Variants in NBEA observed in about 807,000 individuals in gnomAD.
NBEA encodes the protein lysosomal-trafficking regulator 2.
NBEA carries 44 observed loss-of-function variants against 343.4 expected under a neutral mutation model. That is an observed-to-expected ratio of 0.13 (90% CI 0.10 to 0.16). The LOEUF (loss-of-function observed/expected upper bound fraction) is 0.16, where lower values mean the gene tolerates loss of function less well. Ranked by LOEUF, NBEA falls within the 10% of genes least tolerant of loss-of-function variation. NBEA has a pLI of 1.00. For missense variants in NBEA, 2,555 were observed against 3,631.3 expected, an observed-to-expected ratio of 0.70 and a Z score of 7.62; for synonymous variants, 1,175 against 1,238.7, an observed-to-expected ratio of 0.95 and a Z score of 1.08.
intron 47 of NBEA, among the ~76,000 whole-genome samples, chr13:35,599,952 T>C (rs960190033): frequency 6.6e-6 from 1 of 152,204 alleles, no homozygotes; most frequent in Admixed American, 6.5e-5. Context: ...TGTTAGTCCA[T>C]ATATATGTCA....
intron 34 of NBEA, among the ~76,000 whole-genome samples, chr13:35,263,131 C>T (rs1037739014): frequency 3.3e-5 from 5 of 152,114 alleles, no homozygotes; most frequent in African/African-American, 7.2e-5. Flanking sequence ...GACATATAAA[C>T]CAATGGAATA....
chr13:35,415,648 A>G (rs534191086), intron 38 of NBEA, among the ~76,000 whole-genome samples: 18 of 152,128 alleles, frequency 1.2e-4, no homozygotes, highest in African/African-American at 3.9e-4. Context: ...CTTGTAGTAT[A>G]GTTTGAAGTC....
At chr13:35,340,500 A>C (rs2039528131) in intron 36 of NBEA, among the ~76,000 whole-genome samples, 1 of 152,098 alleles carries the variant, frequency 6.6e-6, no homozygotes, top group Admixed American at 6.6e-5. Context: ...AAATAGGTAA[A>C]GAATTTAGAT....
chr13:35,164,258 C>A, intron 23 of NBEA, 98 bp from the exon 24 acceptor site: 1 of 993,568 alleles, frequency 1.0e-6, no homozygotes, highest in Non-Finnish European at 1.4e-6. Context: ...ATATAGCTAG[C>A]TCCTACAGTT....
intron 1 of NBEA, among the ~76,000 whole-genome samples, chr13:34,977,091 C>A (rs1805653151): frequency 6.6e-6 from 1 of 151,746 alleles, no homozygotes. Context: ...CAGGCGTGCA[C>A]CATCACGGCC....
At chr13:35,444,343 A>G (rs2045887447) in intron 39 of NBEA, among the ~76,000 whole-genome samples, 1 of 152,036 alleles carries the variant, frequency 6.6e-6, no homozygotes, top group African/African-American at 2.4e-5. Flanking sequence ...TGGTCTGAAA[A>G]GGTATTTGTT....
intron 17 of NBEA, among the ~76,000 whole-genome samples, chr13:35,137,172 C>T (rs749016565): frequency 2.6e-5 from 4 of 151,954 alleles, no homozygotes; most frequent in Non-Finnish European, 4.4e-5. Flanking sequence ...GCCCTTTGGC[C>T]GGGCACGGTG....
chr13:35,524,509 G>A (rs117875171), intron 41 of NBEA, among the ~76,000 whole-genome samples: 2,039 of 152,098 alleles, frequency 0.013, 17 homozygotes, highest in Non-Finnish European at 0.02. Flanking sequence ...TATTTATTGC[G>A]GTTCAAATAA....
chr13:34,994,128 G>T (rs1392213572), intron 1 of NBEA, among the ~76,000 whole-genome samples: 1 of 146,812 alleles, frequency 6.8e-6, no homozygotes, highest in Admixed American at 7.0e-5. Context: ...AACCTGGGTG[G>T]CAGAGGTTGC....
At chr13:34,953,228 C>G (rs548936034) in intron 1 of NBEA, among the ~76,000 whole-genome samples, 108 of 152,224 alleles carry the variant, frequency 7.1e-4, no homozygotes, top group Admixed American at 2.2e-3. Flanking sequence ...GTGTTTTCAA[C>G]TCTGAATATA....
At chr13:35,044,166 TTAA>T (rs1190346562) in intron 2 of NBEA, among the ~76,000 whole-genome samples, 3 of 152,276 alleles carry the variant, frequency 2.0e-5, no homozygotes, top group South Asian at 4.1e-4. Context: ...GATACCACTA[TTAA>T]TGTGTTTAAA....
chr13:35,156,243 A>G (rs956780506), intron 20 of NBEA, 37 bp downstream of exon 20: 4 of 1,480,882 alleles, frequency 2.7e-6, no homozygotes, highest in East Asian at 4.9e-5. Context: ...ACTTTATTCC[A>G]TAATTAATAT....
intron 34 of NBEA, among the ~76,000 whole-genome samples, chr13:35,253,804 G>A (rs74048959): frequency 0.042 from 6,439 of 151,636 alleles, 156 homozygotes; most frequent in South Asian, 0.078. Flanking sequence ...GCTTACCCTT[G>A]ATCTATACTT....
intron 1 of NBEA, among the ~76,000 whole-genome samples, chr13:35,030,194 T>TA (rs1307448373): frequency 6.6e-6 from 1 of 151,710 alleles, no homozygotes; most frequent in Non-Finnish European, 1.5e-5. Context: ...GATGTTTTCT[T>TA]ACGTGTTTTT....
intron 53 of NBEA, among the ~76,000 whole-genome samples, chr13:35,652,795 C>A (rs1418442520): frequency 7.4e-6 from 1 of 135,358 alleles, no homozygotes; most frequent in East Asian, 2.6e-4. Flanking sequence ...CCCGGGTTCA[C>A]GCCATTCTCC....
intron 1 of NBEA, among the ~76,000 whole-genome samples, chr13:34,946,633 GT>G (rs926871097): frequency 2.0e-5 from 3 of 149,504 alleles, no homozygotes; most frequent in Non-Finnish European, 3.0e-5. Context: ...TGGATTTGTA[GT>G]TTTTTTTCAT....
rs530338778 is a variant in NBEA at position 35,516,329 on chromosome 13, A to G, written c.6586-34148A>G. 3.7e-4 allele frequency among the ~76,000 whole-genome samples: 57 copies of G among 152,318 alleles called. 1 individual carries two copies. Among genetic ancestry groups the G allele is most frequent in the African/African-American group, 1.3e-3 (56 of 41,580 alleles). ...GATAATAATCAAGAGTGTAATGTGT[A>G]TCATACACAGACATGCATAGCAGTA... On this transcript the variant is annotated intron_variant, in intron 41 of 58. Transcript: ENST00000379939.
At chr13:35,629,852 GA>G (rs144967359) in intron 49 of NBEA, among the ~76,000 whole-genome samples, 1 of 151,916 alleles carries the variant, frequency 6.6e-6, no homozygotes, top group East Asian at 1.9e-4. Context: ...TTTAGAATCA[GA>G]AAAAAAGAAA....
intron 40 of NBEA, among the ~76,000 whole-genome samples, chr13:35,466,818 T>C (rs1184768254): frequency 2.0e-5 from 3 of 152,162 alleles, no homozygotes; most frequent in African/African-American, 4.8e-5. Flanking sequence ...TGAAATTTTA[T>C]CTGGACAGCT....
Sources: gnomAD v4.1 joint callset for allele counts (sites outside exome capture counted in the v4.1 genomes callset) on GRCh38, gnomAD v4.1.1 for gene constraint, MANE v1.5 for transcripts, NCBI Gene and HGNC (gene_info 2026-07-23, HGNC 2026-07-21) for gene names.